The following TENM2 variants were observed in gnomAD, a reference collection of about 807,000 sequenced individuals.
TENM2 encodes teneurin transmembrane protein 2.
In TENM2, 52 loss-of-function variants were observed where a neutral mutation model predicts 245.2. The ratio of observed to expected loss-of-function variants is 0.21; its 90% CI spans 0.17 to 0.27. The LOEUF is 0.27. TENM2 is among the 10% of genes least tolerant of loss of function. TENM2 has a pLI of 1.00. For synonymous variants in TENM2, 1,363 were observed against 1,438.9 expected (o/e 0.95, Z 1.19); for missense variants, 3,046 against 3,666.8 (o/e 0.83, Z 4.37).
rs187007481 is a variant in TENM2, at chr5:167,447,885, G to A, written c.502+72412G>A. Among the ~76,000 whole-genome samples, 444 of 152,284 alleles carry A rather than the reference G, an allele frequency of 2.9e-3. 8 individuals are homozygous for A. Among genetic ancestry groups the A allele is most frequent in the Admixed American group, 0.024 (369 of 15,288 alleles). On this transcript the variant is annotated intron_variant, in intron 2 of 28. Transcript: ENST00000518659. The stretch of plus-strand genomic sequence containing the variant: ...AGAGGCGTTTCCACCGAGGAAAGTG[G>A]CAAGGGTACTCTGAGATTGTGGGCT...
At chr5:167,854,513 C>T (rs950993063) in intron 2 of TENM2, among the ~76,000 whole-genome samples, 3 of 152,166 alleles carry the variant, frequency 2.0e-5, no homozygotes, top group Non-Finnish European at 4.4e-5. Flanking sequence ...AGCTGCCTAC[C>T]TTGTCAGTTC....
At chr5:167,715,265 A>C (rs1299619797) in intron 2 of TENM2, among the ~76,000 whole-genome samples, 1 of 152,202 alleles carries the variant, frequency 6.6e-6, no homozygotes, top group Non-Finnish European at 1.5e-5. Context: ...ATGTGTTAGG[A>C]GAAAGAGTAC....
At chr5:167,190,192 A>G in the TENM2 span, among the ~76,000 whole-genome samples, 1 of 152,278 alleles carries the variant, frequency 6.6e-6, no homozygotes, top group African/African-American at 2.4e-5. Context: ...TATAATGGGT[A>G]TAAATAAACA....
chr5:167,977,931 C>CAACTTGGG (rs1374226760), intron 4 of TENM2, among the ~76,000 whole-genome samples: 1 of 152,134 alleles, frequency 6.6e-6, no homozygotes, highest in African/African-American at 2.4e-5. Context: ...GGGTGGATCT[C>CAACTTGGG]TCATGATCAA....
At chr5:168,083,851 G>C (rs1437041089) in intron 7 of TENM2, among the ~76,000 whole-genome samples, 2 of 152,106 alleles carry the variant, frequency 1.3e-5, no homozygotes, top group East Asian at 3.9e-4. Flanking sequence ...CTCTCAGGTA[G>C]TGAGCCTAGC....
At chr5:167,894,988 A>AGGAAGGAAGGAGGGAG (rs1277156205) in intron 3 of TENM2, among the ~76,000 whole-genome samples, 2 of 106,368 alleles carry the variant, frequency 1.9e-5, no homozygotes, top group African/African-American at 7.5e-5. Flanking sequence ...GAAGGAAGGA[A>AGGAAGGAAGGAGGGAG]GGAGGGAAGG....
chr5:167,162,668 G>C, the TENM2 span, among the ~76,000 whole-genome samples: 1 of 151,334 alleles, frequency 6.6e-6, no homozygotes. Flanking sequence ...ACCTCCTTAG[G>C]ACTGGGGAAA....
At chr5:167,101,289 C>T in the TENM2 span, among the ~76,000 whole-genome samples, 64 of 152,264 alleles carry the variant, frequency 4.2e-4, no homozygotes, top group Non-Finnish European at 7.5e-4. Flanking sequence ...GTCTAGTTAA[C>T]AGGAGACTAA....
At chr5:167,019,393 G>C in the TENM2 span, among the ~76,000 whole-genome samples, 625 of 152,310 alleles carry the variant, frequency 4.1e-3, 6 homozygotes, top group Non-Finnish European at 7.5e-3. Flanking sequence ...AATTGTGAAA[G>C]ACTCAGCTTG....
chr5:168,158,580 C>T (rs547278094), intron 12 of TENM2, among the ~76,000 whole-genome samples: 15 of 151,636 alleles, frequency 9.9e-5, no homozygotes, highest in African/African-American at 3.1e-4. Flanking sequence ...CTGTCCTGTG[C>T]ATTGTAGGAT....
chr5:167,933,708 A>G (rs1778467505), intron 3 of TENM2, among the ~76,000 whole-genome samples: 1 of 151,384 alleles, frequency 6.6e-6, no homozygotes, highest in African/African-American at 2.4e-5. Context: ...GACCAACTAG[A>G]GTGAGGAGCC....
the TENM2 span, among the ~76,000 whole-genome samples, chr5:167,214,129 G>A: frequency 2.6e-5 from 4 of 152,194 alleles, no homozygotes; most frequent in African/African-American, 9.7e-5. Context: ...TAAGAGTTGG[G>A]CAAAGCTGTG....
the TENM2 span, among the ~76,000 whole-genome samples, chr5:167,159,577 T>C: frequency 2.4e-4 from 36 of 152,238 alleles, no homozygotes; most frequent in African/African-American, 8.4e-4. Flanking sequence ...ATATTCTATA[T>C]GATAAATACA....
chr5:168,021,201 AG>A (rs539463439), intron 5 of TENM2, among the ~76,000 whole-genome samples: 1 of 152,236 alleles, frequency 6.6e-6, no homozygotes, highest in South Asian at 2.1e-4. Flanking sequence ...TATGTCTGGA[AG>A]GGCAAACCCT....
intron 23 of TENM2, among the ~76,000 whole-genome samples, chr5:168,219,859 A>G (rs1763518623): frequency 7.3e-6 from 1 of 137,050 alleles, no homozygotes; most frequent in South Asian, 2.3e-4. Flanking sequence ...AGCGGGGGAC[A>G]AGAGGGAGAA....
At chr5:168,250,006 C>T (rs1460750205) in intron 27 of TENM2, among the ~76,000 whole-genome samples, 1 of 152,052 alleles carries the variant, frequency 6.6e-6, no homozygotes, top group Non-Finnish European at 1.5e-5. Context: ...AAGATAAAGT[C>T]CCTGTCCTCA....
chr5:168,159,674 C>G (rs1290045940), intron 12 of TENM2, among the ~76,000 whole-genome samples: 1 of 152,198 alleles, frequency 6.6e-6, no homozygotes, highest in Non-Finnish European at 1.5e-5. Context: ...CCTCTTCAAG[C>G]TAAAAGCAAA....
At chr5:167,561,941 G>C (rs547032057) in intron 2 of TENM2, among the ~76,000 whole-genome samples, 1 of 152,158 alleles carries the variant, frequency 6.6e-6, no homozygotes, top group African/African-American at 2.4e-5. Flanking sequence ...TTTCAGCTTC[G>C]TCATTTGCTG....
At chr5:167,193,207 T>G in the TENM2 span, among the ~76,000 whole-genome samples, 2 of 152,158 alleles carry the variant, frequency 1.3e-5, no homozygotes, top group Non-Finnish European at 2.9e-5. Flanking sequence ...TTAAGACTTG[T>G]ACACCGCAGT....
Sources: gnomAD v4.1 joint callset for allele counts (sites outside exome capture counted in the v4.1 genomes callset) on GRCh38, gnomAD v4.1.1 for gene constraint, MANE v1.5 for transcripts, NCBI Gene and HGNC (gene_info 2026-07-23, HGNC 2026-07-21) for gene names.